Variants in PIK3C2G observed in about 807,000 individuals in gnomAD.
PIK3C2G encodes phosphatidylinositol-4-phosphate 3-kinase catalytic subunit type 2 gamma, also known as phosphatidylinositol 3-kinase C2 domain-containing subunit gamma.
In PIK3C2G, 168 loss-of-function variants were observed where a neutral mutation model predicts 181.1. The ratio of observed to expected loss-of-function variants is 0.93; its 90% CI spans 0.82 to 1.05. The LOEUF (loss-of-function observed/expected upper bound fraction) is 1.05, where lower values mean the gene tolerates loss of function less well. Among genes scored for constraint, PIK3C2G ranks in the 50% least tolerant of loss-of-function variants. The probability of loss-of-function intolerance (pLI) is 0.00; values close to 1 mark genes in which losing one functional copy is unlikely to be tolerated. For missense variants in PIK3C2G, 1,869 were observed against 1,732.8 expected (o/e 1.08, Z -1.40); for synonymous variants, 573 against 592.2 (o/e 0.97, Z 0.47).
At chr12:18,305,890 AT>A (rs992929032) in intron 5 of PIK3C2G, among the ~76,000 whole-genome samples, 1 of 151,396 alleles carries the variant, frequency 6.6e-6, no homozygotes, top group Admixed American at 6.6e-5. Flanking sequence ...CTCAGTATAT[AT>A]TTTTTGTGAA....
At chr12:18,508,970 T>A (rs1294455117) in intron 24 of PIK3C2G, among the ~76,000 whole-genome samples, 2 of 152,188 alleles carry the variant, frequency 1.3e-5, no homozygotes, top group Non-Finnish European at 2.9e-5. Flanking sequence ...TGTCTATTTC[T>A]TAAAAACATG....
At chr12:18,358,249 G>C (rs182145371) in intron 11 of PIK3C2G, among the ~76,000 whole-genome samples, 2 of 152,204 alleles carry the variant, frequency 1.3e-5, no homozygotes, top group Non-Finnish European at 2.9e-5. Context: ...ACATTTGCCA[G>C]TTCTGCTTAC....
chr12:18,692,231 G>T, the PIK3C2G span, among the ~76,000 whole-genome samples: 1,056 of 152,186 alleles, frequency 6.9e-3, 12 homozygotes, highest in African/African-American at 0.024. Context: ...GATCTGAGAT[G>T]GTTTATACAG....
upstream of PIK3C2G, among the ~76,000 whole-genome samples, chr12:18,246,667 C>A (rs986708743): frequency 2.6e-5 from 4 of 151,952 alleles, no homozygotes; most frequent in Non-Finnish European, 5.9e-5. Context: ...AATGATAAAG[C>A]ATGTGAACTG....
At chr12:18,379,575 G>A (rs1942694098) in intron 13 of PIK3C2G, among the ~76,000 whole-genome samples, 1 of 152,210 alleles carries the variant, frequency 6.6e-6, no homozygotes, top group Admixed American at 6.5e-5. Flanking sequence ...CCTAAGAGGG[G>A]AAAAGGATAT....
chr12:18,300,816 C>T (rs1950145545), intron 5 of PIK3C2G, among the ~76,000 whole-genome samples: 1 of 151,986 alleles, frequency 6.6e-6, no homozygotes, highest in Admixed American at 6.6e-5. Flanking sequence ...CATGTGCTTT[C>T]ATGATGATAG....
chr12:18,289,734 C>T, intron 3 of PIK3C2G, among the ~76,000 whole-genome samples: 1 of 152,188 alleles, frequency 6.6e-6, no homozygotes, highest in East Asian at 1.9e-4. Context: ...TGTGTATTTA[C>T]TTACCCATTT....
intron 1 of PIK3C2G, among the ~76,000 whole-genome samples, chr12:18,250,011 G>T (rs1033848808): frequency 1.3e-5 from 2 of 151,890 alleles, no homozygotes; most frequent in South Asian, 2.1e-4. Flanking sequence ...CCTGTACACA[G>T]ATCTTAACTC....
intron 16 of PIK3C2G, among the ~76,000 whole-genome samples, chr12:18,400,520 T>C (rs1256523126): frequency 6.6e-6 from 1 of 152,154 alleles, no homozygotes; most frequent in Non-Finnish European, 1.5e-5. Context: ...AAGTCTGCAA[T>C]CTCTTGAGCC....
At chr12:18,505,167 G>A (rs1211822674) in intron 23 of PIK3C2G, 125 bp from the exon 24 acceptor site, 2 of 714,982 alleles carry the variant, frequency 2.8e-6, no homozygotes. Flanking sequence ...TGTCCACTGA[G>A]ATGTAGAAAT....
chr12:18,685,604 A>C, the PIK3C2G span: 2 of 515,774 alleles, frequency 3.9e-6, no homozygotes, highest in Non-Finnish European at 7.7e-6. Context: ...GTCTATGCCC[A>C]CAGAAATAGT....
chr12:18,543,396 T>C (rs1317749159), intron 25 of PIK3C2G, among the ~76,000 whole-genome samples: 1 of 152,016 alleles, frequency 6.6e-6, no homozygotes, highest in Non-Finnish European at 1.5e-5. Context: ...TAAGTTTAAT[T>C]AGATCCCACC....
At chr12:18,488,144 AAGCATGTTCTTGAGAAAAGTGTGTGTTAC>A (rs1940232617) in intron 18 of PIK3C2G, among the ~76,000 whole-genome samples, 2 of 152,150 alleles carry the variant, frequency 1.3e-5, no homozygotes, top group Non-Finnish European at 2.9e-5. Context: ...AAGAAGTCAA[AAGCATGTTCTTGAGAAAAGTGTGTGTTAC>A]AGAATTAAGA....
In PIK3C2G at chr12:18,375,977, T is replaced by C. The variant is rs939322610; in HGVS notation, c.1880+4666T>C. On this transcript the variant is annotated intron_variant, in intron 13 of 32. Transcript: ENST00000538779. ...TGAAGGAAGCTTGTTAACCTCCACC[T>C]AGATTTCAGAGAATATTTTGGAAAG... 2.0e-5 allele frequency among the ~76,000 whole-genome samples: 3 copies of C among 152,214 alleles called. No individual in the cohort carries two copies. The East Asian group carries it at 5.8e-4, about 29-fold the overall frequency.
intron 1 of PIK3C2G, among the ~76,000 whole-genome samples, chr12:18,267,569 G>T (rs1948557262): frequency 6.6e-6 from 1 of 152,058 alleles, no homozygotes; most frequent in Non-Finnish European, 1.5e-5. Flanking sequence ...AATAATGTCT[G>T]CAGCTTATCT....
the PIK3C2G span, among the ~76,000 whole-genome samples, chr12:18,724,884 T>A: frequency 2.0e-5 from 3 of 152,218 alleles, no homozygotes; most frequent in African/African-American, 7.2e-5. Context: ...AATAGCAGCA[T>A]AAAATAAAAT....
chr12:18,537,748 A>T (rs1206334176), intron 24 of PIK3C2G, among the ~76,000 whole-genome samples: 1 of 151,828 alleles, frequency 6.6e-6, no homozygotes, highest in Non-Finnish European at 1.5e-5. Flanking sequence ...ATACAAGGAA[A>T]TTTTTTTTAA....
intron 29 of PIK3C2G, among the ~76,000 whole-genome samples, chr12:18,585,811 C>T (rs371640072): frequency 9.8e-5 from 15 of 152,288 alleles, no homozygotes; most frequent in Admixed American, 5.9e-4. Flanking sequence ...TAACAATGCT[C>T]AGCAAATTCA....
In PIK3C2G at chr12:18,406,306, A is replaced by T. The variant is rs955883442; in HGVS notation, c.2315+6459A>T. Among the ~76,000 whole-genome samples, 5 of 152,184 alleles carry T rather than the reference A, an allele frequency of 3.3e-5. No individual in the cohort carries two copies. In the East Asian group the frequency reaches 7.7e-4, roughly 23 times the overall value. ...TAATGGACACTAAGGTTGCTTCTAT[A>T]TCTTGGCTATTGTAAATAATGCTTT... On this transcript the variant is annotated intron_variant, in intron 16 of 32. Transcript: ENST00000538779.
Sources: allele counts gnomAD v4.1 joint callset (sites outside exome capture counted in the v4.1 genomes callset), GRCh38; gene constraint gnomAD v4.1.1; transcripts MANE v1.5; gene names NCBI Gene and HGNC (gene_info 2026-07-23, HGNC 2026-07-21).